EVC: variants seen among roughly 807,000 people sequenced by gnomAD.
EVC encodes the protein EvC ciliary complex subunit 1.
A neutral mutation model predicts 118.9 loss-of-function variants in EVC; 116 were observed. The observed-to-expected ratio is 0.98, with a 90% CI of 0.84 to 1.14. EVC has a LOEUF of 1.14. EVC is among the 50% of genes most tolerant of loss of function. The pLI is 0.00. For synonymous variants in EVC, 619 were observed against 534.7 expected, an observed-to-expected ratio of 1.16 and a Z score of -2.18; for missense variants, 1,401 against 1,246.4, an observed-to-expected ratio of 1.12 and a Z score of -1.87.
At position 5,811,081 on chromosome 4, in the gene EVC, G is replaced by T; in HGVS notation, c.*44G>T. On this transcript the variant is annotated 3_prime_UTR_variant, in exon 21 of 21. Transcript: ENST00000264956. The stretch of plus-strand genomic sequence containing the variant: ...GACAAGACCTGAAGCCCTGGGTCTG[G>T]GTGTGAATTCCACCTTCCCTCCTGC... The T allele has an allele frequency of 6.5e-7, 1 of 1,528,354 alleles. No homozygotes were observed. The highest frequency in any genetic ancestry group is 9.0e-7 in the Non-Finnish European group (1 of 1,114,456). The allele number at this position is 1,528,354 out of a possible 1,614,324, so 94.7% of individuals were successfully genotyped here.
intron 1 of EVC, among the ~76,000 whole-genome samples, chr4:5,712,023 G>A (rs1723118557): frequency 6.6e-6 from 1 of 152,220 alleles, no homozygotes; most frequent in Admixed American, 6.5e-5. Flanking sequence ...CACAGTAAAA[G>A]TTTTCAGGCA....
intron 12 of EVC, among the ~76,000 whole-genome samples, chr4:5,793,256 GT>G (rs1713135492): frequency 6.6e-6 from 1 of 152,106 alleles, no homozygotes; most frequent in African/African-American, 2.4e-5. Context: ...ACAAAGTGGC[GT>G]TAGAGGAAAG....
At chr4:5,771,281 C>T (rs982513684) in intron 11 of EVC, among the ~76,000 whole-genome samples, 2 of 152,128 alleles carry the variant, frequency 1.3e-5, no homozygotes, top group Non-Finnish European at 1.5e-5. Flanking sequence ...TTTCTAAAGG[C>T]CACCCACATT....
chr4:5,711,733 G>A (rs1220926042), intron 1 of EVC, among the ~76,000 whole-genome samples, 179 bp downstream of exon 1: 3 of 152,220 alleles, frequency 2.0e-5, no homozygotes, highest in Non-Finnish European at 2.9e-5. Flanking sequence ...CGTGACTAAA[G>A]GGCATTGGCC....
intron 13 of EVC, among the ~76,000 whole-genome samples, chr4:5,794,827 G>A (rs1474822115): frequency 1.3e-5 from 2 of 152,086 alleles, no homozygotes; most frequent in African/African-American, 2.4e-5. Flanking sequence ...GCTGAGGATT[G>A]GGGTACAGCT....
chr4:5,798,933 T>C lies in EVC; in HGVS notation c.2304+141T>C, dbSNP rs1714478771. 2 of 928,170 alleles carry C rather than the reference T, an allele frequency of 2.2e-6. No homozygotes were observed. The highest frequency in any genetic ancestry group is 3.3e-5 in the African/African-American group (2 of 61,236). 57.5% of individuals were successfully genotyped at this position (928,170 alleles called of 1,614,324 possible). On this transcript the variant is annotated intron_variant, in intron 15 of 20. Transcript: ENST00000264956. This position sits in a 1 kb window ranked among gnomAD's most constrained non-coding sequence, Gnocchi z 4.1. ...TGCCTGACTTCTCCATGACTTGATT[T>C]TCTCATCTGTAAGGTGGGATCTTCT...
chr4:5,716,963 G>C (rs1388051706), intron 1 of EVC, among the ~76,000 whole-genome samples: 1 of 152,144 alleles, frequency 6.6e-6, no homozygotes, highest in Non-Finnish European at 1.5e-5. Flanking sequence ...ATTGCACCAC[G>C]ATGGTGTTGG....
At chr4:5,808,136 T>TGCCCAG in intron 17 of EVC, 65 bp from the exon 18 acceptor site, 1 of 306,556 alleles carries the variant, frequency 3.3e-6, no homozygotes, top group Non-Finnish European at 6.8e-6. Flanking sequence ...TCCTTCTCCC[T>TGCCCAG]CCCTCCCTCC....
intron 17 of EVC, among the ~76,000 whole-genome samples, chr4:5,806,152 T>C (rs1012932674): frequency 1.3e-5 from 2 of 151,876 alleles, no homozygotes; most frequent in Non-Finnish European, 2.9e-5. Context: ...CAATCTCAGC[T>C]CACTGCAACC....
chr4:5,788,383 T>A (rs967898231), intron 12 of EVC, among the ~76,000 whole-genome samples: 1 of 152,162 alleles, frequency 6.6e-6, no homozygotes, highest in Non-Finnish European at 1.5e-5. Flanking sequence ...CTCTCAGGTT[T>A]CAGTTCCTCA....
At position 5,797,331 on chromosome 4, in the gene EVC, C is replaced by A. The variant is rs560777668; in HGVS notation, c.2097+99C>A. ...TTTGCCAGAACCCGAATCCTATCAC[C>A]CTTGGTGCTGCAGGGTGCGGTATTC... On this transcript the variant is annotated intron_variant, in intron 14 of 20. Transcript: ENST00000264956. The A allele has an allele frequency of 8.7e-6, 9 of 1,036,102 alleles. No homozygotes were observed. The South Asian group carries it at 1.1e-4, about 13-fold the overall frequency. The allele number at this position is 1,036,102 out of a possible 1,614,324, so 64.2% of individuals were successfully genotyped here.
rs562205155 is a variant in EVC at position 5,793,868 on chromosome 4, C to T, written c.1886+151C>T. 33 of 709,544 alleles carry T rather than the reference C, an allele frequency of 4.7e-5. 1 individual carries two copies. The South Asian group carries it at 4.7e-4, about 10-fold the overall frequency. 44.0% of individuals were successfully genotyped at this position (709,544 alleles called of 1,614,324 possible). ...TAACGTTTCTTAGCCTCGATTTCCT[C>T]ATCTATAAAATGGGATAATGCTATC... is the stretch of plus-strand genomic sequence containing the variant. On this transcript the variant is annotated intron_variant, in intron 13 of 20. Coordinates refer to ENST00000264956, the MANE Select transcript of EVC (RefSeq NM_153717.3).
At position 5,797,120 on chromosome 4, in the gene EVC, T is replaced by C; in HGVS notation, c.1985T>C (p.Met662Thr). Residue 662 changes from methionine (M) to threonine (T), a missense_variant, in exon 14 of 21, where the codon ATG (methionine) becomes ACG (threonine). By Grantham distance (81) the Met-to-Thr change is moderately conservative (BLOSUM62 -1). Transcript: ENST00000264956. ...AACGCCCTGGCCACCCTGACGCAGA[T>C]GCGGCTATCGGGGAAGAAGCACCTC... ...RGNALATLTQ[M>T]RLSGKKHLLQ... The C allele has an allele frequency of 6.2e-7, 1 of 1,613,598 alleles. No homozygotes were observed. The highest frequency in any genetic ancestry group is 8.5e-7 in the Non-Finnish European group (1 of 1,180,024).
chr4:5,781,663 C>G (rs1036896128), intron 11 of EVC, among the ~76,000 whole-genome samples: 1 of 152,034 alleles, frequency 6.6e-6, no homozygotes, highest in Non-Finnish European at 1.5e-5. Context: ...ACAGCAAAAC[C>G]TCATCTCCAC....
At chr4:5,800,943 C>T (rs1714858483) in intron 15 of EVC, among the ~76,000 whole-genome samples, 1 of 152,198 alleles carries the variant, frequency 6.6e-6, no homozygotes, top group African/African-American at 2.4e-5. Flanking sequence ...AGCCTAGCAC[C>T]ATCCAATAAA....
chr4:5,799,537 C>T (rs1714593604), intron 15 of EVC, among the ~76,000 whole-genome samples: 1 of 152,186 alleles, frequency 6.6e-6, no homozygotes, highest in African/African-American at 2.4e-5. Flanking sequence ...ATACACGCTG[C>T]GCCTGCCTGG....
rs1464326534 is a variant in EVC at position 5,715,738 on chromosome 4, G to GCCCT, written c.175-3510_175-3509insCCCT. 1.5e-4 allele frequency among the ~76,000 whole-genome samples: 9 copies of GCCCT among 60,434 alleles called. 1 individual carries two copies. The highest frequency in any genetic ancestry group is 7.8e-4 in the African/African-American group (9 of 11,610). The allele number at this position is 60,434 out of a possible 152,430, so 39.6% of individuals were successfully genotyped here. On this transcript the variant is annotated intron_variant, in intron 1 of 20. Coordinates refer to ENST00000264956, the MANE Select transcript of EVC (RefSeq NM_153717.3). ...AGAATTTCGAAGGCATTTTTCCATT[G>GCCCT]TCTTTTTTTTTTTTTTTTTTTTTGA...
intron 11 of EVC, among the ~76,000 whole-genome samples, chr4:5,777,845 GTTGTTA>G (rs1734939651): frequency 6.6e-6 from 1 of 151,766 alleles, no homozygotes; most frequent in South Asian, 2.1e-4. Flanking sequence ...TTTTGTTGTT[GTTGTTA>G]TTATACTTTA....
chr4:5,766,368 G>A (rs1346633799), intron 11 of EVC, among the ~76,000 whole-genome samples: 1 of 141,274 alleles, frequency 7.1e-6, no homozygotes, highest in East Asian at 2.1e-4. Context: ...TGGTGAATCT[G>A]ACAATTATGT....
Sources: gnomAD v4.1 joint callset for allele counts (sites outside exome capture counted in the v4.1 genomes callset) on GRCh38, gnomAD v4.1.1 for gene constraint, Gnocchi (gnomAD v3.1) non-coding constraint, MANE v1.5 for transcripts, NCBI Gene and HGNC (gene_info 2026-07-23, HGNC 2026-07-21) for gene names.